The following TGM5 variants were observed in gnomAD, a reference collection of about 807,000 sequenced individuals.
The protein encoded by TGM5 is transglutaminase 5.
Under a neutral mutation model 77.2 loss-of-function variants are expected in TGM5, and 69 were observed. The observed-to-expected ratio is 0.89, with a 90% CI of 0.74 to 1.09. The LOEUF (loss-of-function observed/expected upper bound fraction) is 1.09. TGM5 is among the 50% of genes least tolerant of loss of function. The probability of loss-of-function intolerance (pLI) is 0.00; values close to 1 mark genes in which losing one functional copy is unlikely to be tolerated. For synonymous variants in TGM5, 346 were observed against 351.8 expected (o/e 0.98, Z 0.18); for missense variants, 842 against 896.5 (o/e 0.94, Z 0.78).
intron 10 of TGM5, among the ~76,000 whole-genome samples, chr15:43,235,190 C>G (rs1033320610): frequency 6.6e-6 from 1 of 151,406 alleles, no homozygotes; most frequent in African/African-American, 2.4e-5. Flanking sequence ...TCTGCAAAAC[C>G]AGCTACTTTT....
At chr15:43,233,527 A>G (rs371944739) in intron 12 of TGM5, 27 bp downstream of exon 12, 168 of 1,613,964 alleles carry the variant, frequency 1.0e-4, no homozygotes, top group Non-Finnish European at 1.3e-4. Context: ...GAAAAACAGG[A>G]GAAGGCTGAG....
chr15:43,252,266 TGACATAAGCCCA>T (rs1478490677), intron 6 of TGM5, among the ~76,000 whole-genome samples: 1 of 152,250 alleles, frequency 6.6e-6, no homozygotes, highest in Non-Finnish European at 1.5e-5. Flanking sequence ...AACCATGGTC[TGACATAAGCCCA>T]GACATGTGCA....
At chr15:43,246,809 T>C (rs1360987442) in intron 6 of TGM5, among the ~76,000 whole-genome samples, 1 of 152,000 alleles carries the variant, frequency 6.6e-6, no homozygotes, top group Non-Finnish European at 1.5e-5. Flanking sequence ...GATAAAGCAA[T>C]AGAGTGGAGA....
chr15:43,264,520 A>G (rs1035272023), intron 1 of TGM5, among the ~76,000 whole-genome samples: 6 of 152,224 alleles, frequency 3.9e-5, no homozygotes, highest in Admixed American at 3.3e-4. Context: ...ACATAAAAAG[A>G]CACATATTAT....
At position 43,246,617 on chromosome 15, in the gene TGM5, A is replaced by G. The variant is rs547958777; in HGVS notation, c.863-5627T>C. 1.3e-4 allele frequency among the ~76,000 whole-genome samples: 20 copies of G among 152,322 alleles called. No individual in the cohort carries two copies. The East Asian group carries it at 2.5e-3, about 19-fold the overall frequency. Reference sequence around the variant, plus strand: ...GCCCAGAAAGAACTCAGCAGTCTTAACAAGTTAACGAGATGAGATCACAAT... The same window carrying G: ...GCCCAGAAAGAACTCAGCAGTCTTAGCAAGTTAACGAGATGAGATCACAAT... On this transcript the variant is annotated intron_variant, in intron 6 of 12. Transcript: ENST00000220420.
intron 7 of TGM5, 57 bp from the exon 8 acceptor site, chr15:43,239,323 C>A: frequency 6.4e-7 from 1 of 1,554,540 alleles, no homozygotes; most frequent in Non-Finnish European, 8.9e-7. Flanking sequence ...TAGAACAAGG[C>A]AAGGGAGGGA....
intron 9 of TGM5, among the ~76,000 whole-genome samples, chr15:43,237,523 A>G (rs963913951): frequency 1.3e-5 from 2 of 152,190 alleles, no homozygotes; most frequent in African/African-American, 4.8e-5. Context: ...TGAATTTCAA[A>G]TAAACAACAA....
Position 43,260,128 on chromosome 15 carries a change from G to C in TGM5, c.360C>G (p.His120Gln). The change falls in exon 3 of 13, where the codon CAC becomes CAG. Residue 120 changes from histidine (H) to glutamine (Q), a missense_variant. This residue lies in a region of TGM5 where 815 missense variants were observed against 844.6 expected (regional missense o/e 0.96). Coordinates refer to ENST00000220420, the MANE Select transcript of TGM5 (RefSeq NM_201631.4). ...TCACAGACCCCTGGAAGGAGTCGAT[G>C]TGGATTTTCAAGAGGTACCGACCCA... The part of the protein sequence containing the change: ...AAVGRYLLKI[H>Q]IDSFQGSVTA... The C allele has an allele frequency of 6.2e-7, 1 of 1,614,216 alleles. No homozygotes were observed. The highest frequency in any genetic ancestry group is 8.5e-7 in the Non-Finnish European group (1 of 1,180,028).
chr15:43,239,684 T>G (rs928384212), intron 7 of TGM5: 1 of 235,690 alleles, frequency 4.2e-6, no homozygotes, highest in Non-Finnish European at 8.5e-6. Context: ...AAAAAAGTAA[T>G]TAATTAGTGA....
rs151047281 is a variant in TGM5, at chr15:43,238,902, C to T, written c.1260G>A (p.Thr420=). ...TGCTGATAAAATTGCCAACAGAACT[C>T]GTGTCCTGGTGAAGCTTCTGCTCCT... ...GGKEQKLHQD[T]SSVGNFISTK... The change falls in exon 9 of 13, where the codon ACG becomes ACA. Residue 420 remains threonine (T), a synonymous_variant. Coordinates refer to ENST00000220420, the MANE Select transcript of TGM5 (RefSeq NM_201631.4). The T allele has an allele frequency of 3.7e-6, 6 of 1,614,128 alleles. No individual in the cohort carries two copies. The highest frequency in any genetic ancestry group is 2.7e-5 in the African/African-American group (2 of 74,942).
chr15:43,245,907 G>C (rs139356870), intron 6 of TGM5, among the ~76,000 whole-genome samples: 6 of 147,770 alleles, frequency 4.1e-5, no homozygotes, highest in South Asian at 2.3e-4. Flanking sequence ...GTTGGGGGGG[G>C]GGGTCTTAAA....
chr15:43,262,419 T>G (rs2042795685), intron 1 of TGM5, among the ~76,000 whole-genome samples: 1 of 152,232 alleles, frequency 6.6e-6, no homozygotes, highest in Non-Finnish European at 1.5e-5. Flanking sequence ...TTTAGACTTT[T>G]TCAAAGTGAA....
intron 1 of TGM5, among the ~76,000 whole-genome samples, chr15:43,262,030 C>G (rs1395857624): frequency 6.6e-6 from 1 of 152,144 alleles, no homozygotes; most frequent in African/African-American, 2.4e-5. Flanking sequence ...CAGCATTGAC[C>G]CTGTCCTCTA....
chr15:43,257,713 C>T (rs1481195537), intron 3 of TGM5, among the ~76,000 whole-genome samples: 1 of 152,150 alleles, frequency 6.6e-6, no homozygotes, highest in Non-Finnish European at 1.5e-5. Context: ...TTTGACCCAG[C>T]CATACCATTA....
rs2042575724 is a variant in TGM5, at chr15:43,234,833, CT to C, written c.1810del (p.Ser604AlafsTer8). 1.2e-6 allele frequency: 2 copies of C among 1,614,216 alleles called. No homozygotes were observed. Among genetic ancestry groups the C allele is most frequent in the Non-Finnish European group, 1.7e-6 (2 of 1,180,034 alleles). ...GTTCACCAGGATTTTCTCAGGACTG[CT>C]TTTCTCTTCACCCAGGGCACTGATG... is the stretch of plus-strand genomic sequence containing the variant. ...IRISALGEEKSSPEKILVNKI... is the reference protein window; with the variant it reads ...IRISALGEEKXSPEKILVNKI... On this transcript the variant is annotated frameshift_variant, in exon 11 of 13. Transcript: ENST00000220420. LOFTEE classifies it high-confidence loss of function.
In TGM5 at chr15:43,252,937, C is replaced by A. The variant is rs1219077388; in HGVS notation, c.685-1G>T. On this transcript the variant is annotated splice_acceptor_variant, in intron 5 of 12. Coordinates refer to ENST00000220420, the MANE Select transcript of TGM5 (RefSeq NM_201631.4). LOFTEE classifies it high-confidence loss of function. ...CCCCATTATCATCATTGCTGTTGAT[C>A]TGAAGAGAAGCCATATAGAGAAGTG... 6.2e-7 allele frequency: 1 copy of A among 1,612,860 alleles called. No homozygotes were observed. Among genetic ancestry groups the A allele is most frequent in the Non-Finnish European group, 8.5e-7 (1 of 1,179,996 alleles).
At position 43,260,382 on chromosome 15, in the gene TGM5, G is replaced by A; in HGVS notation, c.190+18C>T. 6.2e-7 allele frequency: 1 copy of A among 1,614,200 alleles called. No individual in the cohort carries two copies. The highest frequency in any genetic ancestry group is 8.5e-7 in the Non-Finnish European group (1 of 1,180,044). On this transcript the variant is annotated intron_variant, in intron 2 of 12. Transcript: ENST00000220420. ...TCCCAGACACACACAGCCCCTGTGA[G>A]CCAGCTGGGGTTCTTACCAGTTTCA... is the stretch of plus-strand genomic sequence containing the variant.
At chr15:43,245,807 G>A (rs1009129062) in intron 6 of TGM5, among the ~76,000 whole-genome samples, 87 of 151,452 alleles carry the variant, frequency 5.7e-4, no homozygotes, top group African/African-American at 2.0e-3. Flanking sequence ...AAATGGCAGC[G>A]CAGAAGATGG....
chr15:43,257,080 G>T (rs2142378123), intron 3 of TGM5, among the ~76,000 whole-genome samples: 1 of 152,304 alleles, frequency 6.6e-6, no homozygotes, highest in Admixed American at 6.5e-5. Flanking sequence ...ATCTTGGTTG[G>T]AAAAGAGCAA....
Sources: allele counts gnomAD v4.1 joint callset (sites outside exome capture counted in the v4.1 genomes callset), GRCh38; gene constraint gnomAD v4.1.1; regional missense constraint gnomAD v4.1.1; transcripts MANE v1.5; gene names NCBI Gene and HGNC (gene_info 2026-07-23, HGNC 2026-07-21).